Variants in ADGRL3 observed in about 807,000 individuals in gnomAD.
ADGRL3 encodes the protein calcium-independent alpha-latrotoxin receptor 3.
Under a neutral mutation model 153.5 loss-of-function variants are expected in ADGRL3, and 62 were observed. The ratio of observed to expected loss-of-function variants is 0.40; its 90% confidence interval spans 0.33 to 0.50. ADGRL3 has a LOEUF of 0.50. Ranked by LOEUF, ADGRL3 falls within the 20% of genes least tolerant of loss-of-function variation. The pLI is 0.47. For missense variants in ADGRL3, 1,641 were observed against 1,859.4 expected, an observed-to-expected ratio of 0.88 and a Z score of 2.16; for synonymous variants, 710 against 672.5, an observed-to-expected ratio of 1.06 and a Z score of -0.86.
At chr4:61,212,390 A>G (rs62312877) in intron 1 of ADGRL3, among the ~76,000 whole-genome samples, 57,400 of 151,992 alleles carry the variant, frequency 0.38, 12,032 homozygotes, top group Middle Eastern at 0.52. Context: ...AGAGTATTCA[A>G]AACTATATCA....
At chr4:61,794,940 ACTT>A (rs1319649382) in intron 8 of ADGRL3, among the ~76,000 whole-genome samples, 4 of 152,220 alleles carry the variant, frequency 2.6e-5, no homozygotes, top group Non-Finnish European at 5.9e-5. Context: ...TACATGAATA[ACTT>A]CTTATCGCAT....
chr4:61,579,428 C>T (rs899561080), intron 4 of ADGRL3, among the ~76,000 whole-genome samples: 2 of 151,918 alleles, frequency 1.3e-5, no homozygotes, highest in African/African-American at 2.4e-5. Context: ...TGTTATTTCT[C>T]GTGAATTGGA....
intron 1 of ADGRL3, among the ~76,000 whole-genome samples, chr4:61,332,324 G>A (rs2095588484): frequency 6.6e-6 from 1 of 152,100 alleles, no homozygotes; most frequent in African/African-American, 2.4e-5. Flanking sequence ...TTCTTCGATA[G>A]TTAAGTGTTC....
chr4:61,612,456 C>G, intron 5 of ADGRL3, among the ~76,000 whole-genome samples: 1 of 152,070 alleles, frequency 6.6e-6, no homozygotes, highest in Non-Finnish European at 1.5e-5. Flanking sequence ...AAATATACAC[C>G]TTTTAGTTAT....
chr4:62,044,352 A>T, intron 24 of ADGRL3, 101 bp from the exon 25 acceptor site: 1 of 772,342 alleles, frequency 1.3e-6, no homozygotes, highest in East Asian at 2.7e-5. Context: ...AATGCTAGAA[A>T]CAAAGGTCTC....
intron 9 of ADGRL3, among the ~76,000 whole-genome samples, chr4:61,820,369 A>T (rs1348522127): frequency 1.3e-5 from 2 of 152,154 alleles, no homozygotes; most frequent in Non-Finnish European, 2.9e-5. Flanking sequence ...AGGGGTGTAA[A>T]TTCCAATAGT....
chr4:61,392,390 GA>G (rs1259595493), intron 2 of ADGRL3, among the ~76,000 whole-genome samples: 1 of 151,410 alleles, frequency 6.6e-6, no homozygotes, highest in Non-Finnish European at 1.5e-5. Flanking sequence ...TTTTTACATA[GA>G]AAAGAGTCTC....
chr4:61,803,202 A>C, intron 8 of ADGRL3, among the ~76,000 whole-genome samples: 1 of 152,106 alleles, frequency 6.6e-6, no homozygotes, highest in East Asian at 1.9e-4. Context: ...TTGATTTTTC[A>C]TACAGGAGTT....
chr4:61,345,093 C>T (rs2095874591), intron 1 of ADGRL3, among the ~76,000 whole-genome samples: 2 of 151,848 alleles, frequency 1.3e-5, no homozygotes, highest in East Asian at 1.9e-4. Context: ...ACATCACGCC[C>T]GGCCTTACAT....
At chr4:61,597,505 A>G (rs1390286737) in intron 5 of ADGRL3, among the ~76,000 whole-genome samples, 3 of 152,080 alleles carry the variant, frequency 2.0e-5, no homozygotes, top group Non-Finnish European at 1.5e-5. Flanking sequence ...GGAGATTTGA[A>G]TTTACTTAGC....
intron 2 of ADGRL3, among the ~76,000 whole-genome samples, chr4:61,391,274 T>C (rs1256991480): frequency 2.0e-5 from 3 of 152,220 alleles, no homozygotes; most frequent in South Asian, 2.1e-4. Context: ...GTGTAGCTCA[T>C]GGCCAGAGAG....
At chr4:61,232,032 T>G (rs1199370072) in intron 1 of ADGRL3, among the ~76,000 whole-genome samples, 1 of 151,978 alleles carries the variant, frequency 6.6e-6, no homozygotes, top group Non-Finnish European at 1.5e-5. Flanking sequence ...CTTGTGCAAG[T>G]ACTTAACCTC....
intron 4 of ADGRL3, among the ~76,000 whole-genome samples, chr4:61,551,999 G>A (rs1383864173): frequency 6.6e-6 from 1 of 152,004 alleles, no homozygotes; most frequent in Admixed American, 6.6e-5. Context: ...CTCCACTAAG[G>A]GGTAAGTAAA....
At chr4:61,855,441 G>A (rs900518276) in intron 9 of ADGRL3, among the ~76,000 whole-genome samples, 1 of 152,152 alleles carries the variant, frequency 6.6e-6, no homozygotes, top group Non-Finnish European at 1.5e-5. Flanking sequence ...GTACATGTTT[G>A]CTTGTTTTTC....
At chr4:61,244,701 C>T (rs1299774878) in intron 1 of ADGRL3, among the ~76,000 whole-genome samples, 3 of 151,958 alleles carry the variant, frequency 2.0e-5, no homozygotes, top group Admixed American at 1.3e-4. Flanking sequence ...ATCTCTGACT[C>T]GATAGAACCT....
chr4:61,836,373 A>T (rs2097935299), intron 9 of ADGRL3, among the ~76,000 whole-genome samples: 1 of 152,192 alleles, frequency 6.6e-6, no homozygotes, highest in South Asian at 2.1e-4. Flanking sequence ...TGGAGTCATA[A>T]AAGTCATAGA....
chr4:61,246,927 T>C (rs1757330029), intron 1 of ADGRL3, among the ~76,000 whole-genome samples: 2 of 151,998 alleles, frequency 1.3e-5, no homozygotes, highest in African/African-American at 4.8e-5. Context: ...ATTCATCATG[T>C]GCTTACAGGA....
At chr4:61,557,669 T>C (rs976023678) in intron 4 of ADGRL3, among the ~76,000 whole-genome samples, 2 of 152,090 alleles carry the variant, frequency 1.3e-5, no homozygotes, top group African/African-American at 4.8e-5. Context: ...GTCTCCAGAG[T>C]TGCAATTAAT....
intron 9 of ADGRL3, among the ~76,000 whole-genome samples, chr4:61,888,861 T>G (rs1276795647): frequency 6.6e-6 from 1 of 152,218 alleles, no homozygotes; most frequent in Non-Finnish European, 1.5e-5. Flanking sequence ...CTAATTGTTC[T>G]GAGATAGGAT....
Sources: allele counts gnomAD v4.1 joint callset (sites outside exome capture counted in the v4.1 genomes callset), GRCh38; gene constraint gnomAD v4.1.1; transcripts MANE v1.5; gene names NCBI Gene and HGNC (gene_info 2026-07-23, HGNC 2026-07-21).